Variants in OCRL observed in about 807,000 individuals in gnomAD.
OCRL encodes the protein inositol polyphosphate 5-phosphatase OCRL.
OCRL carries 8 observed loss-of-function variants against 78.9 expected under a neutral mutation model. That is an observed-to-expected ratio of 0.10 (90% CI 0.06 to 0.18). The LOEUF is 0.18. Ranked by LOEUF, OCRL falls within the 10% of genes least tolerant of loss-of-function variation. OCRL has a pLI of 1.00. For missense variants in OCRL, 454 were observed against 696.7 expected, an observed-to-expected ratio of 0.65 and a Z score of 3.92; for synonymous variants, 240 against 235.4, an observed-to-expected ratio of 1.02 and a Z score of -0.18.
Position 129,562,772 on chromosome X carries a change from C to T in OCRL, c.1230C>T (p.Asn410=). The change falls in exon 12 of 24, where the codon AAC becomes AAT. Residue 410 remains asparagine, a synonymous_variant. Coordinates refer to ENST00000371113, the MANE Select transcript of OCRL (RefSeq NM_000276.4). ...VVPNQTLPQL[N]IMKHEVVIWL... Reference sequence around the variant, plus strand: ...CAAATCAGACCCTCCCGCAGTTGAACATCATGAAACATGAGTAAGTGGTTA... The same window carrying T: ...CAAATCAGACCCTCCCGCAGTTGAATATCATGAAACATGAGTAAGTGGTTA... 1 of 1,210,440 alleles carries T rather than the reference C, an allele frequency of 8.3e-7. No individual in the cohort carries two copies. Among genetic ancestry groups the T allele is most frequent in the Non-Finnish European group, 1.1e-6 (1 of 894,471 alleles).
chrX:129,564,622 C>T (rs1936190998), intron 12 of OCRL, among the ~76,000 whole-genome samples: 1 of 108,374 alleles, frequency 9.2e-6, no homozygotes, highest in East Asian at 2.9e-4. Flanking sequence ...ATCGCAAGAA[C>T]AAAAAACCAA....
At chrX:129,547,108 A>C (rs192699824) in intron 3 of OCRL, among the ~76,000 whole-genome samples, 353 of 111,427 alleles carry the variant, frequency 3.2e-3, no homozygotes, top group African/African-American at 0.011. Context: ...AGATACATGT[A>C]GTCCCAGCTA....
intron 18 of OCRL, among the ~76,000 whole-genome samples, chrX:129,577,835 C>A (rs1196129506): frequency 8.9e-6 from 1 of 112,019 alleles, no homozygotes; most frequent in Non-Finnish European, 1.9e-5. Context: ...TTGTTTTTCT[C>A]CTAACATTAT....
rs182568403 is a variant in OCRL, at chrX:129,567,423, C to T, written c.1466+60C>T. On this transcript the variant is annotated intron_variant, in intron 14 of 23. Transcript: ENST00000371113. ...AAGGCTTGATCTTATTTCTGACCCT[C>T]CATATTGGTAAGGGGCTAGGAATTT... 9.9e-3 allele frequency: 8,444 copies of T among 851,248 alleles called. 46 individuals are homozygous for T. Among genetic ancestry groups the T allele is most frequent in the Non-Finnish European group, 0.012 (6,976 of 575,272 alleles). The allele number at this position is 851,248 out of a possible 1,213,427, so 70.2% of individuals were successfully genotyped here. A position where few individuals can be genotyped will look rare whatever the true frequency, so the allele number is the denominator to read the frequency against.
intron 4 of OCRL, among the ~76,000 whole-genome samples, chrX:129,553,982 G>A (rs1042274330): frequency 1.8e-5 from 2 of 110,399 alleles, no homozygotes; most frequent in Non-Finnish European, 3.8e-5. Flanking sequence ...TCTGAGGGTT[G>A]GTATTTAGCC....
At chrX:129,554,719 C>T (rs906919923) in intron 4 of OCRL, among the ~76,000 whole-genome samples, 28 of 110,644 alleles carry the variant, frequency 2.5e-4, no homozygotes, top group African/African-American at 8.6e-4. Context: ...TTTGGGAGGC[C>T]GAGGCGGGCG....
Position 129,540,734 on chromosome X carries a change from G to C in OCRL, c.40-10G>C. 8.3e-7 allele frequency: 1 copy of C among 1,205,230 alleles called. No individual in the cohort carries two copies. Among genetic ancestry groups the C allele is most frequent in the African/African-American group, 1.7e-5 (1 of 57,473 alleles). ...CGCTTCCGAAGGAGACCCTTGACTA[G>C]CGCCCGCATACTGTCGAGGGTATGG... On this transcript the variant is annotated splice_polypyrimidine_tract_variant and intron_variant, in intron 1 of 23. Coordinates refer to ENST00000371113, the MANE Select transcript of OCRL (RefSeq NM_000276.4).
chrX:129,540,662 G>A, intron 1 of OCRL, 82 bp from the exon 2 acceptor site: 1 of 812,404 alleles, frequency 1.2e-6, no homozygotes, highest in Non-Finnish European at 1.8e-6. Context: ...GGTGGGGGGG[G>A]GGTGGAAGAC....
chrX:129,544,017 G>C (rs1282232664), intron 2 of OCRL, among the ~76,000 whole-genome samples: 2 of 110,799 alleles, frequency 1.8e-5, no homozygotes, highest in African/African-American at 6.6e-5. Flanking sequence ...AGGCGATAAG[G>C]CTGCTGGTTC....
intron 15 of OCRL, among the ~76,000 whole-genome samples, chrX:129,573,650 G>A (rs1936331133): frequency 9.0e-6 from 1 of 111,562 alleles, no homozygotes; most frequent in African/African-American, 3.3e-5. Flanking sequence ...CGCCTCCCGG[G>A]CTCAAGGGAT....
chrX:129,554,692 G>A (rs1004984700), intron 4 of OCRL, among the ~76,000 whole-genome samples: 1 of 111,772 alleles, frequency 8.9e-6, no homozygotes, highest in African/African-American at 3.3e-5. Context: ...GGTGGCTTAC[G>A]CCTGTAATCC....
intron 4 of OCRL, among the ~76,000 whole-genome samples, chrX:129,554,240 T>A (rs763016029): frequency 2.4e-4 from 26 of 110,271 alleles, no homozygotes; most frequent in South Asian, 7.8e-4. Flanking sequence ...ATTAGAGGTT[T>A]ATGAAGTGGT....
chrX:129,556,757 T>C (rs1051549352), intron 4 of OCRL, among the ~76,000 whole-genome samples: 1 of 112,703 alleles, frequency 8.9e-6, no homozygotes, highest in African/African-American at 3.2e-5. Context: ...ATTCAAGACA[T>C]ACATTTTAAA....
At chrX:129,555,423 G>A (rs1041502845) in intron 4 of OCRL, among the ~76,000 whole-genome samples, 1 of 111,637 alleles carries the variant, frequency 9.0e-6, no homozygotes, top group East Asian at 2.8e-4. Flanking sequence ...GCAGTGAGCC[G>A]AGATCACGCC....
At chrX:129,584,868 G>A (rs947613615) in intron 19 of OCRL, among the ~76,000 whole-genome samples, 4 of 112,094 alleles carry the variant, frequency 3.6e-5, no homozygotes, top group African/African-American at 1.3e-4. Context: ...TCTGGTTCAG[G>A]CCTCTACCTT....
intron 12 of OCRL, 145 bp from the exon 13 acceptor site, chrX:129,565,627 A>G (rs781163225): frequency 1.7e-4 from 80 of 481,800 alleles, no homozygotes; most frequent in Non-Finnish European, 2.6e-4. Flanking sequence ...GTTGCCCTCA[A>G]AGGATTAGTT....
chrX:129,559,376 T>C (rs1307041664), intron 8 of OCRL, among the ~76,000 whole-genome samples: 1 of 111,767 alleles, frequency 8.9e-6, no homozygotes, highest in African/African-American at 3.3e-5. Context: ...TATTTGTGTT[T>C]TTTATAGAGA....
At chrX:129,576,263 T>G (rs1936367532) in intron 17 of OCRL, 54 bp from the exon 18 acceptor site, 1 of 1,078,954 alleles carries the variant, frequency 9.3e-7, no homozygotes, top group African/African-American at 1.8e-5. Flanking sequence ...ATACTCTTTT[T>G]TGCTTTCCCA....
In OCRL at chrX:129,571,986, A is replaced by G. The variant is rs761088520; in HGVS notation, c.1602+2587A>G. ...TTCTGTGATGATGGAAATGTCCTGT[A>G]TCTGTGCTGTCCAGTCCAGTGGCTT... is the stretch of plus-strand genomic sequence containing the variant. On this transcript the variant is annotated intron_variant, in intron 15 of 23. Coordinates refer to ENST00000371113, the MANE Select transcript of OCRL (RefSeq NM_000276.4). 5.8e-4 allele frequency among the ~76,000 whole-genome samples: 65 copies of G among 111,822 alleles called. 1 individual carries two copies. Among genetic ancestry groups the G allele is most frequent in the Non-Finnish European group, 2.3e-4 (12 of 53,230 alleles).
Sources: allele counts gnomAD v4.1 joint callset (sites outside exome capture counted in the v4.1 genomes callset), GRCh38; gene constraint gnomAD v4.1.1; transcripts MANE v1.5; gene names NCBI Gene and HGNC (gene_info 2026-07-23, HGNC 2026-07-21).